TMEM123: variants seen among roughly 807,000 people sequenced by gnomAD.
TMEM123 encodes transmembrane protein 123, also known as porimin.
In TMEM123, 16 loss-of-function variants were observed where a neutral mutation model predicts 19.7. That is an observed-to-expected ratio of 0.81 (90% confidence interval 0.55 to 1.23). The LOEUF (loss-of-function observed/expected upper bound fraction) is 1.23, where lower values mean the gene tolerates loss of function less well. TMEM123 is among the 50% of genes most tolerant of loss of function. TMEM123 has a pLI of 0.00. For synonymous variants in TMEM123, 118 were observed against 99.4 expected (o/e 1.19, Z -1.12); for missense variants, 313 against 257.8 (o/e 1.21, Z -1.47).
chr11:102,422,173 T>C (rs1952092621), intron 2 of TMEM123, among the ~76,000 whole-genome samples: 2 of 152,228 alleles, frequency 1.3e-5, no homozygotes, highest in Admixed American at 6.5e-5. Flanking sequence ...CTAATGTTGA[T>C]GGTAAAGGTG....
chr11:102,441,544 G>A (rs1857826257), intron 2 of TMEM123, among the ~76,000 whole-genome samples: 1 of 152,168 alleles, frequency 6.6e-6, no homozygotes, highest in Non-Finnish European at 1.5e-5. Context: ...ATTTAAAGCA[G>A]TGTGTAGAGG....
At chr11:102,440,288 G>A (rs1857810774) in intron 2 of TMEM123, among the ~76,000 whole-genome samples, 1 of 152,146 alleles carries the variant, frequency 6.6e-6, no homozygotes, top group Non-Finnish European at 1.5e-5. Flanking sequence ...AATACTAAGG[G>A]CAGCCAGAGA....
intron 2 of TMEM123, among the ~76,000 whole-genome samples, chr11:102,421,032 G>T (rs1336693006): frequency 6.6e-6 from 1 of 152,162 alleles, no homozygotes; most frequent in Non-Finnish European, 1.5e-5. Flanking sequence ...GGGTGACAGA[G>T]CAAGACTCCA....
At position 102,402,021 on chromosome 11, in the gene TMEM123, T is replaced by C. The variant is rs1591552819; in HGVS notation, c.343A>G (p.Thr115Ala). 1.9e-6 allele frequency: 3 copies of C among 1,614,214 alleles called. No homozygotes were observed. Among genetic ancestry groups the C allele is most frequent in the Non-Finnish European group, 1.7e-6 (2 of 1,180,040 alleles). ...TGTGAAACACTTGTTGTTTTGGGTG[T>C]AGACTTTAAGGTGGTAGAAGTCATA... ...TNMTSTTLKSTPKTTSVSQNT... is the reference protein window; with the variant it reads ...TNMTSTTLKSAPKTTSVSQNT... The change falls in exon 3 of 5, where the codon ACA becomes GCA. Residue 115 changes from threonine (T) to alanine (A), a missense_variant. Transcript: ENST00000398136.
In TMEM123 at chr11:102,397,785, G is replaced by A. The variant is rs1242679190; in HGVS notation, c.*1082C>T. 1 of 152,116 alleles carries A rather than the reference G, an allele frequency of 6.6e-6. No individual in the cohort carries two copies. The highest frequency in any genetic ancestry group is 2.4e-5 in the African/African-American group (1 of 41,420). The allele number at this position is 152,116 out of a possible 1,614,324, so 9.4% of individuals were successfully genotyped here. On this transcript the variant is annotated 3_prime_UTR_variant, in exon 5 of 5. Transcript: ENST00000398136. ...AAAGAAAATATAGCATTTTCATCCTGCAGGTTTAGTTGCCTGGGGGAAGTC... is the reference window on the plus strand; with the variant it reads ...AAAGAAAATATAGCATTTTCATCCTACAGGTTTAGTTGCCTGGGGGAAGTC...
intron 2 of TMEM123, among the ~76,000 whole-genome samples, chr11:102,404,836 G>C (rs936083003): frequency 1.3e-5 from 2 of 152,078 alleles, no homozygotes; most frequent in African/African-American, 4.8e-5. Flanking sequence ...CTGACCTCAG[G>C]TGATCTGCCT....
chr11:102,411,007 A>T (rs1289996688), intron 2 of TMEM123, among the ~76,000 whole-genome samples: 1 of 152,098 alleles, frequency 6.6e-6, no homozygotes, highest in Non-Finnish European at 1.5e-5. Flanking sequence ...CCTGGCACAG[A>T]GTTTCTAAAA....
chr11:102,425,452 T>G lies in TMEM123; in HGVS notation c.158-23246A>C, dbSNP rs567098346. On this transcript the variant is annotated intron_variant, in intron 2 of 4. Coordinates refer to ENST00000398136, the MANE Select transcript of TMEM123 (RefSeq NM_052932.3). ...TTTCCTTCCCCCTCACCACTGTTCA[T>G]GTTGTGTCCTCCAATGATACTGATA... Among the ~76,000 whole-genome samples the G allele has an allele frequency of 2.0e-5, 3 of 152,304 alleles. No individual in the cohort carries two copies. The South Asian group carries it at 6.2e-4, about 32-fold the overall frequency.
intron 1 of TMEM123, 148 bp downstream of exon 1, chr11:102,452,376 C>T: frequency 1.6e-6 from 1 of 611,512 alleles, no homozygotes; most frequent in South Asian, 4.8e-5. Flanking sequence ...TCAGTTTCCC[C>T]CACCCCGCCC....
At chr11:102,442,496 A>C (rs182770310) in intron 2 of TMEM123, among the ~76,000 whole-genome samples, 9 of 152,250 alleles carry the variant, frequency 5.9e-5, no homozygotes, top group Admixed American at 1.3e-4. Context: ...AAATTCAACA[A>C]CCTTCATGCT....
chr11:102,410,430 G>C (rs987073948), intron 2 of TMEM123, among the ~76,000 whole-genome samples: 2 of 151,218 alleles, frequency 1.3e-5, no homozygotes, highest in Admixed American at 6.6e-5. Context: ...CAGTGTCCAG[G>C]CTTCCTTACG....
At chr11:102,422,863 A>G (rs1442198001) in intron 2 of TMEM123, among the ~76,000 whole-genome samples, 1 of 152,190 alleles carries the variant, frequency 6.6e-6, no homozygotes, top group African/African-American at 2.4e-5. Flanking sequence ...TTATGTTTCC[A>G]TGAGTCTGGC....
chr11:102,435,792 T>A (rs1388861758), intron 2 of TMEM123, among the ~76,000 whole-genome samples: 3 of 151,860 alleles, frequency 2.0e-5, no homozygotes, highest in Admixed American at 6.6e-5. Flanking sequence ...GACTACACAC[T>A]ACATGATTCC....
chr11:102,406,936 G>T (rs375085483), intron 2 of TMEM123, among the ~76,000 whole-genome samples: 1 of 151,926 alleles, frequency 6.6e-6, no homozygotes, highest in African/African-American at 2.4e-5. Context: ...TCACCAGTAG[G>T]GGGTGGAGCA....
intron 2 of TMEM123, among the ~76,000 whole-genome samples, chr11:102,420,191 C>G (rs547767917): frequency 3.9e-4 from 59 of 152,324 alleles, no homozygotes; most frequent in African/African-American, 1.4e-3. Context: ...TTACAGACTG[C>G]ACTGACAGGC....
Position 102,401,935 on chromosome 11 carries a change from A to C in TMEM123, c.429T>G (p.Ser143=), listed in dbSNP as rs1951916702. Residue 143 remains serine (S), a synonymous_variant, in exon 3 of 5, where the codon TCT becomes TCG. Transcript: ENST00000398136. ...MTVTHNSSVT[S]AASSVTITTT... ...ACATACTTGTTACTGATGAAGCAGC[A>C]GATGTCACTGAACTATTGTGGGTTA... 6.2e-7 allele frequency: 1 copy of C among 1,613,924 alleles called. No individual in the cohort carries two copies. Among genetic ancestry groups the C allele is most frequent in the African/African-American group, 1.3e-5 (1 of 74,942 alleles).
In TMEM123 at chr11:102,398,560, T is replaced by C; in HGVS notation, c.*307A>G. On this transcript the variant is annotated 3_prime_UTR_variant, in exon 5 of 5. Transcript: ENST00000398136. The stretch of plus-strand genomic sequence containing the variant: ...GTCTTTCAGTGATGACGTCTTTCAA[T>C]TACTGGTCATATGTGACCAATGCCC... 1 of 447,886 alleles carries C rather than the reference T, an allele frequency of 2.2e-6. No individual in the cohort carries two copies. 27.7% of individuals were successfully genotyped at this position (447,886 alleles called of 1,614,324 possible).
At chr11:102,427,787 G>T (rs1451681353) in intron 2 of TMEM123, among the ~76,000 whole-genome samples, 1 of 149,048 alleles carries the variant, frequency 6.7e-6, no homozygotes, top group African/African-American at 2.5e-5. Context: ...GCAGTGAGCC[G>T]AGATCGCGCC....
chr11:102,401,490 A>C (rs779281914), intron 4 of TMEM123, 49 bp downstream of exon 4: 40 of 1,485,562 alleles, frequency 2.7e-5, no homozygotes, highest in Non-Finnish European at 2.9e-5. Flanking sequence ...ATAATTAAAG[A>C]TGTGCACCAA....
Sources: allele counts gnomAD v4.1 joint callset (sites outside exome capture counted in the v4.1 genomes callset), GRCh38; gene constraint gnomAD v4.1.1; transcripts MANE v1.5; gene names NCBI Gene and HGNC (gene_info 2026-07-23, HGNC 2026-07-21).